The following GALNTL6 variants were observed in gnomAD, a reference collection of about 807,000 sequenced individuals.
The protein encoded by GALNTL6 is polypeptide N-acetylgalactosaminyltransferase-like 6.
Under a neutral mutation model 73.7 loss-of-function variants are expected in GALNTL6, and 46 were observed. That is an observed-to-expected ratio of 0.62 (90% CI 0.49 to 0.80). The LOEUF (loss-of-function observed/expected upper bound fraction) is 0.80. GALNTL6 is among the 30% of genes least tolerant of loss of function. The probability of loss-of-function intolerance (pLI) is 0.00; values close to 1 mark genes in which losing one functional copy is unlikely to be tolerated. For synonymous variants in GALNTL6, 259 were observed against 263.7 expected (o/e 0.98, Z 0.17); for missense variants, 604 against 755.0 (o/e 0.80, Z 2.34).
intron 2 of GALNTL6, among the ~76,000 whole-genome samples, chr4:172,067,014 A>G (rs1731385073): frequency 1.3e-5 from 2 of 151,910 alleles, no homozygotes. Context: ...TTCTTACCAT[A>G]AAGGATGATG....
At chr4:172,607,759 T>C (rs779784583) in intron 5 of GALNTL6, among the ~76,000 whole-genome samples, 4 of 152,196 alleles carry the variant, frequency 2.6e-5, no homozygotes, top group Non-Finnish European at 5.9e-5. Flanking sequence ...CAGCATCTGT[T>C]ATTTTTTTAC....
intron 5 of GALNTL6, among the ~76,000 whole-genome samples, chr4:172,630,525 T>A (rs1739348530): frequency 6.6e-6 from 1 of 151,930 alleles, no homozygotes; most frequent in South Asian, 2.1e-4. Flanking sequence ...AGGGGAAAAA[T>A]CTGCTGCTCA....
chr4:172,610,283 G>T (rs1738478200), intron 5 of GALNTL6, among the ~76,000 whole-genome samples: 1 of 152,138 alleles, frequency 6.6e-6, no homozygotes, highest in East Asian at 1.9e-4. Context: ...CACCTAGAGT[G>T]TGATGTTAGG....
rs1427271169 is a variant in GALNTL6 at position 172,069,550 on chromosome 4, T to TATGTGTTATATATAACAC, written c.139-160104_139-160103insGTGTTATATATAACACAT. 5.9e-5 allele frequency among the ~76,000 whole-genome samples: 3 copies of TATGTGTTATATATAACAC among 50,746 alleles called. 1 individual carries two copies. The highest frequency in any genetic ancestry group is 1.9e-4 in the African/African-American group (2 of 10,456). 33.3% of individuals were successfully genotyped at this position (50,746 alleles called of 152,430 possible). A position where few individuals can be genotyped will look rare whatever the true frequency, so the allele number is the denominator to read the frequency against. ...TAACACATATATTATATATAACACA[T>TATGTGTTATATATAACAC]ATATGTTATATATAACACATATATG... On this transcript the variant is annotated intron_variant, in intron 2 of 12. Coordinates refer to ENST00000506823, the MANE Select transcript of GALNTL6 (RefSeq NM_001034845.3).
At chr4:172,273,111 C>G (rs1189953701) in intron 3 of GALNTL6, among the ~76,000 whole-genome samples, 1 of 152,078 alleles carries the variant, frequency 6.6e-6, no homozygotes, top group Non-Finnish European at 1.5e-5. Flanking sequence ...TATCCTCAAA[C>G]ACATATAATT....
At chr4:172,773,783 A>G (rs938831890) in intron 5 of GALNTL6, among the ~76,000 whole-genome samples, 3 of 152,340 alleles carry the variant, frequency 2.0e-5, no homozygotes, top group Non-Finnish European at 4.4e-5. Flanking sequence ...ATTCAAATCT[A>G]TTTGAAACAA....
chr4:172,874,457 G>A (rs1009783179), intron 7 of GALNTL6, among the ~76,000 whole-genome samples: 12 of 152,228 alleles, frequency 7.9e-5, no homozygotes, highest in African/African-American at 2.9e-4. Flanking sequence ...AGGGGCAAAG[G>A]TCATGTTGGA....
At chr4:172,358,492 C>G (rs965722615) in intron 5 of GALNTL6, among the ~76,000 whole-genome samples, 1 of 152,044 alleles carries the variant, frequency 6.6e-6, no homozygotes, top group African/African-American at 2.4e-5. Flanking sequence ...TTTCTTAAAA[C>G]ATTATGAGAT....
chr4:172,107,911 C>T (rs1732730857), intron 2 of GALNTL6, among the ~76,000 whole-genome samples: 1 of 151,894 alleles, frequency 6.6e-6, no homozygotes, highest in African/African-American at 2.4e-5. Flanking sequence ...CTTTTCAATA[C>T]CATTTGCCTA....
Position 171,814,549 on chromosome 4 carries a change from C to T in GALNTL6, c.-32C>T. On this transcript the variant is annotated 5_prime_UTR_variant, in exon 2 of 13. Coordinates refer to ENST00000506823, the MANE Select transcript of GALNTL6 (RefSeq NM_001034845.3). ...ACAAGAAGCAGTCAGGGAGCCATCT[C>T]CTTTAACTTTTCTTCTCTGTTACCA... The T allele has an allele frequency of 6.2e-7, 1 of 1,612,390 alleles. No individual in the cohort carries two copies. Among genetic ancestry groups the T allele is most frequent in the Non-Finnish European group, 8.5e-7 (1 of 1,179,006 alleles).
intron 5 of GALNTL6, among the ~76,000 whole-genome samples, chr4:172,516,760 A>G (rs1331419136): frequency 6.6e-6 from 1 of 152,200 alleles, no homozygotes; most frequent in Non-Finnish European, 1.5e-5. Flanking sequence ...TAGTCATAAT[A>G]GCCAAGAGGG....
intron 5 of GALNTL6, among the ~76,000 whole-genome samples, chr4:172,744,523 A>G (rs149623584): frequency 5.5e-4 from 84 of 152,258 alleles, no homozygotes; most frequent in African/African-American, 1.9e-3. Flanking sequence ...TGATGACTCA[A>G]ATCAGGGTTC....
intron 3 of GALNTL6, among the ~76,000 whole-genome samples, chr4:172,241,510 A>G (rs1488222616): frequency 6.6e-6 from 1 of 152,182 alleles, no homozygotes; most frequent in African/African-American, 2.4e-5. Context: ...CACATTTGTT[A>G]ATGTTCAAAG....
chr4:172,410,116 A>C (rs1325549719), intron 5 of GALNTL6, among the ~76,000 whole-genome samples: 3 of 152,010 alleles, frequency 2.0e-5, no homozygotes, highest in Non-Finnish European at 4.4e-5. Flanking sequence ...TAAATTAAAA[A>C]TTTTTATTAA....
At chr4:172,495,377 G>A (rs74919070) in intron 5 of GALNTL6, among the ~76,000 whole-genome samples, 3,086 of 152,286 alleles carry the variant, frequency 0.02, 104 homozygotes, top group African/African-American at 0.07. Flanking sequence ...CTGCTGAAGC[G>A]AGGAGGCTTA....
At chr4:172,746,655 TG>T (rs2110762020) in intron 5 of GALNTL6, among the ~76,000 whole-genome samples, 1 of 152,188 alleles carries the variant, frequency 6.6e-6, no homozygotes, top group Admixed American at 6.6e-5. Flanking sequence ...TATTCTTTTG[TG>T]ATTAAAAAAT....
intron 3 of GALNTL6, among the ~76,000 whole-genome samples, chr4:172,254,413 T>C (rs1023011045): frequency 6.6e-6 from 1 of 151,762 alleles, no homozygotes; most frequent in African/African-American, 2.4e-5. Flanking sequence ...TTTGCTTTGT[T>C]TTCTGCACTT....
At chr4:172,578,478 C>T (rs751338211) in intron 5 of GALNTL6, among the ~76,000 whole-genome samples, 3 of 152,104 alleles carry the variant, frequency 2.0e-5, no homozygotes, top group Non-Finnish European at 2.9e-5. Context: ...AGCAAAGACA[C>T]AAAACTGAAA....
chr4:172,904,029 C>A (rs1475224960), intron 8 of GALNTL6, among the ~76,000 whole-genome samples: 1 of 152,110 alleles, frequency 6.6e-6, no homozygotes, highest in Non-Finnish European at 1.5e-5. Flanking sequence ...ACAACTTAAT[C>A]CTTCCAAACT....
Sources: gnomAD v4.1 joint callset for allele counts (sites outside exome capture counted in the v4.1 genomes callset) on GRCh38, gnomAD v4.1.1 for gene constraint, MANE v1.5 for transcripts, NCBI Gene and HGNC (gene_info 2026-07-23, HGNC 2026-07-21) for gene names.